ZNF675: variants seen among roughly 807,000 people sequenced by gnomAD.
ZNF675 encodes zinc finger protein 675.
A neutral mutation model predicts 56.1 loss-of-function variants in ZNF675; 36 were observed. The observed-to-expected ratio is 0.64, with a 90% CI of 0.49 to 0.85. The LOEUF (loss-of-function observed/expected upper bound fraction) is 0.85. ZNF675 is among the 40% of genes least tolerant of loss of function. The pLI, the probability that ZNF675 is intolerant of heterozygous loss-of-function variation, is 0.00. For missense variants in ZNF675, 663 were observed against 654.2 expected, an observed-to-expected ratio of 1.01 and a Z score of -0.15; for synonymous variants, 200 against 218.9, an observed-to-expected ratio of 0.91 and a Z score of 0.76.
In ZNF675 at chr19:23,654,186, A is replaced by T. The variant is rs1464572647; in HGVS notation, c.747T>A (p.Asp249Glu). 1 of 1,614,060 alleles carries T rather than the reference A, an allele frequency of 6.2e-7. No homozygotes were observed. The highest frequency in any genetic ancestry group is 8.5e-7 in the Non-Finnish European group (1 of 1,180,002). ...QFSNLTEYKK[D>E]YAREKPYKCE... Reference sequence around the variant, plus strand: ...ATTTGTATGGTTTCTCTCGAGCATAATCTTTTTTATATTCAGTAAGGTTTG... The same window carrying T: ...ATTTGTATGGTTTCTCTCGAGCATATTCTTTTTTATATTCAGTAAGGTTTG... The change falls in exon 4 of 4, where the codon GAT becomes GAA. Residue 249 changes from aspartate (D) to glutamate (E), a missense_variant. By Grantham distance (45) the Asp-to-Glu change is conservative. Around this residue, in one of 3 missense-constraint regions of ZNF675, gnomAD observed 617 missense variants for 590.5 expected, o/e 1.04. Coordinates refer to ENST00000359788, the MANE Select transcript of ZNF675 (RefSeq NM_138330.3).
intron 1 of ZNF675, among the ~76,000 whole-genome samples, chr19:23,675,465 T>C (rs1968283488): frequency 1.3e-5 from 2 of 151,636 alleles, no homozygotes; most frequent in Non-Finnish European, 1.5e-5. Flanking sequence ...AATAAAACAA[T>C]CCTGAGCAAA....
chr19:23,683,142 A>T (rs994809199), intron 1 of ZNF675, among the ~76,000 whole-genome samples: 1 of 151,234 alleles, frequency 6.6e-6, no homozygotes, highest in African/African-American at 2.5e-5. Context: ...GTGAGCTGAG[A>T]TCATGGCACT....
At chr19:23,676,400 C>CAA (rs1555707906) in intron 1 of ZNF675, among the ~76,000 whole-genome samples, 1 of 151,322 alleles carries the variant, frequency 6.6e-6, no homozygotes, top group Non-Finnish European at 1.5e-5. Context: ...AAAACAAACA[C>CAA]ACAAACAAAA....
chr19:23,679,541 G>A (rs886067527), intron 1 of ZNF675, among the ~76,000 whole-genome samples: 1 of 151,496 alleles, frequency 6.6e-6, no homozygotes, highest in Non-Finnish European at 1.5e-5. Flanking sequence ...TCTAACTGAA[G>A]AGTTTCTTCA....
At chr19:23,679,531 T>G (rs1968347739) in intron 1 of ZNF675, among the ~76,000 whole-genome samples, 1 of 151,666 alleles carries the variant, frequency 6.6e-6, no homozygotes, top group African/African-American at 2.4e-5. Context: ...ACAAATGGGA[T>G]CTAACTGAAG....
intron 1 of ZNF675, among the ~76,000 whole-genome samples, chr19:23,679,334 T>C (rs984087951): frequency 2.0e-5 from 3 of 151,646 alleles, no homozygotes; most frequent in African/African-American, 7.3e-5. Flanking sequence ...TATTTAGCAC[T>C]ATGTACAAGG....
chr19:23,658,900 T>TATATAGATATATCTATATATAGAAATAG (rs1555706364), intron 3 of ZNF675, among the ~76,000 whole-genome samples: 1 of 24,166 alleles, frequency 4.1e-5, no homozygotes, highest in East Asian at 1.3e-3. Flanking sequence ...GATCTATAGA[T>TATATAGATATATCTATATATAGAAATAG]ATCTATAGAT....
rs1207321559 is a variant in ZNF675 at position 23,687,141 on chromosome 19, G to C, written c.-108C>G. On this transcript the variant is annotated 5_prime_UTR_variant, in exon 1 of 4. An upstream open reading frame in the 5' UTR gains an earlier in-frame stop. Transcript: ENST00000359788. ...CTAGGAGCAGAGGACACAGAGCAAT[G>C]AAAGCGAGACCTGGAGCTCCGGCTG... The C allele has an allele frequency of 2.2e-6, 3 of 1,349,010 alleles. No homozygotes were observed. The highest frequency in any genetic ancestry group is 1.5e-5 in the African/African-American group (1 of 68,456). The allele number at this position is 1,349,010 out of a possible 1,614,324, so 83.6% of individuals were successfully genotyped here. A position where few individuals can be genotyped will look rare whatever the true frequency, so the allele number is the denominator to read the frequency against.
At position 23,653,365 on chromosome 19, in the gene ZNF675, A is replaced by C; in HGVS notation, c.1568T>G (p.Leu523Arg). The part of the protein sequence containing the change: ...CGKAFSRSSK[L>R]TEHKIIHTGE... ...AGTATGAATTATCTTATGTTCAGTA[A>C]GTTTTGAGGATCGGCTAAAAGCTTT... The change falls in exon 4 of 4, where the codon CTT becomes CGT. Residue 523 changes from leucine (L) to arginine (R), a missense_variant. This residue lies in a region of ZNF675 where 617 missense variants were observed against 590.5 expected (regional missense o/e 1.04). Transcript: ENST00000359788. The C allele has an allele frequency of 6.2e-7, 1 of 1,613,696 alleles. No individual in the cohort carries two copies. Among genetic ancestry groups the C allele is most frequent in the Non-Finnish European group, 8.5e-7 (1 of 1,179,990 alleles).
intron 1 of ZNF675, among the ~76,000 whole-genome samples, chr19:23,666,759 G>T (rs1968155461): frequency 6.9e-6 from 1 of 145,178 alleles, no homozygotes; most frequent in African/African-American, 2.5e-5. Flanking sequence ...TACATACAGG[G>T]AAGTCTTTCT....
chr19:23,678,633 C>T (rs1159798678), intron 1 of ZNF675, among the ~76,000 whole-genome samples: 1 of 150,936 alleles, frequency 6.6e-6, no homozygotes, highest in Non-Finnish European at 1.5e-5. Flanking sequence ...AGGCACTTTT[C>T]TAAGCAAAAA....
chr19:23,653,484 T>C lies in ZNF675; in HGVS notation c.1449A>G (p.Glu483=), dbSNP rs1451004279. The change falls in exon 4 of 4, where the codon GAA becomes GAG. Residue 483 remains glutamate, a synonymous_variant. Coordinates refer to ENST00000359788, the MANE Select transcript of ZNF675 (RefSeq NM_138330.3). ...IHSGEIPYKC[E]ECGKAFKHSS... is the part of the protein sequence containing the mutation. ...AGTGTTTAAAAGCTTTGCCACATTCTTCACACTTGTAGGGTATCTCTCCAG... is the reference window on the plus strand; with the variant it reads ...AGTGTTTAAAAGCTTTGCCACATTCCTCACACTTGTAGGGTATCTCTCCAG... The C allele has an allele frequency of 6.2e-7, 1 of 1,613,222 alleles. No homozygotes were observed. The highest frequency in any genetic ancestry group is 8.5e-7 in the Non-Finnish European group (1 of 1,179,796).
chr19:23,671,937 C>T (rs1254437069), intron 1 of ZNF675, among the ~76,000 whole-genome samples: 1 of 152,120 alleles, frequency 6.6e-6, no homozygotes, highest in African/African-American at 2.4e-5. Flanking sequence ...ACTTATTTCT[C>T]TTGCACTGAG....
chr19:23,670,993 G>A (rs976004133), intron 1 of ZNF675, among the ~76,000 whole-genome samples: 4 of 152,046 alleles, frequency 2.6e-5, no homozygotes, highest in Non-Finnish European at 5.9e-5. Flanking sequence ...GAAACAACCA[G>A]GCTAAATTTC....
At chr19:23,686,917 G>C (rs891227726) in intron 1 of ZNF675, 114 bp downstream of exon 1, 2 of 1,304,490 alleles carry the variant, frequency 1.5e-6, no homozygotes, top group East Asian at 2.3e-5. Context: ...AGGAGAACTC[G>C]GGGTGCAGAT....
chr19:23,666,016 T>A (rs1318261582), intron 1 of ZNF675, among the ~76,000 whole-genome samples: 1 of 152,134 alleles, frequency 6.6e-6, no homozygotes, highest in Non-Finnish European at 1.5e-5. Flanking sequence ...TCTAAATAAG[T>A]CTGCATGTGG....
At chr19:23,656,612 G>GTA (rs139530601) in intron 3 of ZNF675, 80,839 of 148,450 alleles carry the variant, frequency 0.54, 23,377 homozygotes, top group Middle Eastern at 0.67. Flanking sequence ...AACAAAAAAG[G>GTA]TATACACACA....
intron 1 of ZNF675, among the ~76,000 whole-genome samples, chr19:23,669,878 A>C (rs1047208138): frequency 1.3e-5 from 2 of 150,550 alleles, no homozygotes; most frequent in Non-Finnish European, 3.0e-5. Flanking sequence ...AAAAAAAACA[A>C]CACCTCATAG....
chr19:23,666,144 T>C (rs542140828), intron 1 of ZNF675, among the ~76,000 whole-genome samples: 1 of 152,330 alleles, frequency 6.6e-6, no homozygotes, highest in South Asian at 2.1e-4. Context: ...TAACTTTCCA[T>C]GCCTAAGTAA....
Sources: gnomAD v4.1 joint callset for allele counts (sites outside exome capture counted in the v4.1 genomes callset) on GRCh38, gnomAD v4.1.1 for gene constraint, gnomAD v4.1.1 regional missense constraint, MANE v1.5 for transcripts, NCBI Gene and HGNC (gene_info 2026-07-23, HGNC 2026-07-21) for gene names.